IL17B: variants seen among roughly 807,000 people sequenced by gnomAD.
The protein encoded by IL17B is interleukin 17B.
In IL17B, 14 loss-of-function variants were observed where a neutral mutation model predicts 14.7. That is an observed-to-expected ratio of 0.95 (90% confidence interval 0.63 to 1.49). The LOEUF (loss-of-function observed/expected upper bound fraction) is 1.49, where lower values mean the gene tolerates loss of function less well. Ranked by LOEUF, IL17B falls within the 40% of genes most tolerant of loss-of-function variation. The probability of loss-of-function intolerance (pLI) is 0.00; values close to 1 mark genes in which losing one functional copy is unlikely to be tolerated. For synonymous variants in IL17B, 105 were observed against 94.8 expected, an observed-to-expected ratio of 1.11 and a Z score of -0.62; for missense variants, 233 against 252.8, an observed-to-expected ratio of 0.92 and a Z score of 0.53.
chr5:149,383,544 A>C (rs1646171984), upstream of IL17B, among the ~76,000 whole-genome samples: 1 of 152,136 alleles, frequency 6.6e-6, no homozygotes, highest in Non-Finnish European at 1.5e-5. Context: ...CTCTCCTGCC[A>C]TGCTGCCCTC....
At chr5:149,397,011 C>T (rs945006105) in intron 1 of IL17B, among the ~76,000 whole-genome samples, 1 of 152,094 alleles carries the variant, frequency 6.6e-6, no homozygotes, top group African/African-American at 2.4e-5. Context: ...CCTGTGTCTT[C>T]ACTTCTTTGA....
At position 149,374,562 on chromosome 5, in the gene IL17B, G is replaced by A. The variant is rs764889728; in HGVS notation, c.350C>T (p.Pro117Leu). The A allele has an allele frequency of 6.8e-6, 11 of 1,612,790 alleles. No homozygotes were observed. The highest frequency in any genetic ancestry group is 5.3e-5 in the African/African-American group (4 of 74,936). The change falls in exon 3 of 3, where the codon CCG becomes CTG. Residue 117 changes from proline (P) to leucine (L), a missense_variant. Physicochemically the swap from Pro to Leu is moderately conservative, Grantham distance 98. Transcript: ENST00000261796. This position sits in a 1 kb window ranked among gnomAD's most constrained non-coding sequence, Gnocchi z 5.0. The part of the protein sequence containing the change: ...HDPSRIPVDL[P>L]EARCLCLGCV... ...GCCCAGACACAGGCACCGTGCCTCC[G>A]GCAGGTCCACGGGGATACGGCTGGG...
upstream of IL17B, among the ~76,000 whole-genome samples, chr5:149,379,799 G>A (rs1420086160): frequency 2.6e-5 from 4 of 152,168 alleles, no homozygotes; most frequent in East Asian, 7.7e-4. Context: ...CTAGATCACA[G>A]TCAAGGAAAC....
In IL17B at chr5:149,390,834, T is replaced by G. The variant is rs373373150; in HGVS notation, n.95+13274A>C. ...GTATAATAGCTCTTTATAGAATTTA[T>G]AAATAAATATTTATTTTTAAAAATA... On this transcript the variant is annotated intron_variant and non_coding_transcript_variant, in intron 1 of 2. Transcript: ENST00000505432. Among the ~76,000 whole-genome samples, 4 of 151,928 alleles carry G rather than the reference T, an allele frequency of 2.6e-5. No homozygotes were observed. In the South Asian group the frequency reaches 8.3e-4, roughly 31 times the overall value.
intron 1 of IL17B, among the ~76,000 whole-genome samples, chr5:149,391,363 A>G (rs549201838): frequency 2.6e-5 from 4 of 152,350 alleles, no homozygotes; most frequent in African/African-American, 9.6e-5. Flanking sequence ...ACCCAGGCTT[A>G]GAGGCATGGA....
chr5:149,400,777 G>C lies in IL17B; in HGVS notation n.95+3331C>G, dbSNP rs74462744. ...AAAGCTGCTGGTATGACTTAGTCCA[G>C]GTTCAAAGGGCTGGAGCCAGGGGTG... On this transcript the variant is annotated intron_variant and non_coding_transcript_variant, in intron 1 of 2. Coordinates refer to the IL17B transcript ENST00000505432. Among the ~76,000 whole-genome samples the C allele has an allele frequency of 7.5e-3, 1,141 of 152,334 alleles. 36 individuals are homozygous for C. The East Asian group carries it at 0.084, about 11-fold the overall frequency.
Position 149,392,493 on chromosome 5 carries a change from C to T in IL17B, n.95+11615G>A, listed in dbSNP as rs562880166. 2.0e-5 allele frequency among the ~76,000 whole-genome samples: 3 copies of T among 152,282 alleles called. No homozygotes were observed. In the South Asian group the frequency reaches 6.2e-4, roughly 32 times the overall value. ...GGTGCATAAGAATGTGAATAGTACA[C>T]CCCAATCTGTACCCCAAAAATGCAG... On this transcript the variant is annotated intron_variant and non_coding_transcript_variant, in intron 1 of 2. Coordinates refer to the IL17B transcript ENST00000505432.
chr5:149,402,778 C>T (rs1431003330), intron 1 of IL17B, among the ~76,000 whole-genome samples: 14 of 150,298 alleles, frequency 9.3e-5, no homozygotes, highest in African/African-American at 2.0e-4. Context: ...CCGAGGCGGG[C>T]GGATCACAAG....
chr5:149,388,749 T>C (rs1758878559), intron 1 of IL17B, among the ~76,000 whole-genome samples: 1 of 152,214 alleles, frequency 6.6e-6, no homozygotes, highest in South Asian at 2.1e-4. Context: ...ATCAGAATCA[T>C]GCAGAGACAT....
intron 1 of IL17B, among the ~76,000 whole-genome samples, chr5:149,399,021 A>G (rs1229933645): frequency 6.6e-6 from 1 of 152,162 alleles, no homozygotes; most frequent in Non-Finnish European, 1.5e-5. Context: ...TGTCTAGGGA[A>G]ACTCCCGTTT....
intron 1 of IL17B, among the ~76,000 whole-genome samples, chr5:149,387,625 T>C (rs192476877): frequency 7.9e-4 from 114 of 143,602 alleles, no homozygotes; most frequent in African/African-American, 2.6e-3. Flanking sequence ...AATTTAAAAA[T>C]TAGCCAGGCG....
chr5:149,387,284 A>G (rs1324049761), intron 1 of IL17B, among the ~76,000 whole-genome samples: 2 of 152,248 alleles, frequency 1.3e-5, no homozygotes, highest in Non-Finnish European at 2.9e-5. Context: ...AGAAATGGCT[A>G]GTGTGGAATC....
In IL17B at chr5:149,374,404, C is replaced by G. The variant is rs1207553632; in HGVS notation, c.508G>C (p.Glu170Gln). ...CAGGTGCAGCCCACAGCGATGGTCT[C>G]CATGACTGCGCGCTGGCGGCAAGGC... ...TGPCRQRAVM[E>Q]TIAVGCTCIF Residue 170 changes from glutamate (E) to glutamine (Q), a missense_variant, in exon 3 of 3, where the codon GAG becomes CAG. By Grantham distance (29) the Glu-to-Gln change is conservative. Transcript: ENST00000261796. This position sits in a 1 kb window ranked among gnomAD's most constrained non-coding sequence, Gnocchi z 5.0. 1 of 1,600,674 alleles carries G rather than the reference C, an allele frequency of 6.2e-7. No individual in the cohort carries two copies.
At chr5:149,392,952 G>A (rs966987271) in intron 1 of IL17B, among the ~76,000 whole-genome samples, 6 of 150,402 alleles carry the variant, frequency 4.0e-5, no homozygotes, top group African/African-American at 9.8e-5. Flanking sequence ...GTGTGCGTGC[G>A]TGTGTGCGTG....
chr5:149,388,845 A>G (rs1459909210), intron 1 of IL17B, among the ~76,000 whole-genome samples: 2 of 152,282 alleles, frequency 1.3e-5, no homozygotes. Context: ...TGCAGAGGTC[A>G]AAAATCAGGT....
chr5:149,394,877 A>C (rs1759059456), intron 1 of IL17B, among the ~76,000 whole-genome samples: 1 of 151,776 alleles, frequency 6.6e-6, no homozygotes, highest in African/African-American at 2.4e-5. Context: ...TCTTTTTTTT[A>C]ACTTTTATTT....
intron 1 of IL17B, among the ~76,000 whole-genome samples, chr5:149,385,219 G>A (rs543285537): frequency 6.6e-6 from 1 of 152,102 alleles, no homozygotes; most frequent in African/African-American, 2.4e-5. Flanking sequence ...GCCGGACGTG[G>A]TGGCGCATGC....
At chr5:149,381,628 GGGA>G (rs1440571915), upstream of IL17B, among the ~76,000 whole-genome samples, 1 of 152,234 alleles carries the variant, frequency 6.6e-6, no homozygotes, top group Admixed American at 6.5e-5. Context: ...CAGTGGGGAG[GGGA>G]GCTTTGGGGT....
At chr5:149,395,811 G>A (rs191464524) in intron 1 of IL17B, among the ~76,000 whole-genome samples, 17 of 152,126 alleles carry the variant, frequency 1.1e-4, no homozygotes, top group African/African-American at 3.1e-4. Flanking sequence ...TAGCTGGGAC[G>A]ACAGGTACAT....
Sources: allele counts gnomAD v4.1 joint callset (sites outside exome capture counted in the v4.1 genomes callset), GRCh38; gene constraint gnomAD v4.1.1; non-coding constraint Gnocchi (gnomAD v3.1); transcripts MANE v1.5; gene names NCBI Gene and HGNC (gene_info 2026-07-23, HGNC 2026-07-21).